RNF216: variants seen among roughly 807,000 people sequenced by gnomAD.
RNF216 encodes the protein ring finger protein 216.
A neutral mutation model predicts 110.8 loss-of-function variants in RNF216; 72 were observed. The observed-to-expected ratio is 0.65, with a 90% CI of 0.54 to 0.79. The LOEUF (loss-of-function observed/expected upper bound fraction) is 0.79. Ranked by LOEUF, RNF216 falls within the 30% of genes least tolerant of loss-of-function variation. The pLI is 0.00. For synonymous variants in RNF216, 495 were observed against 407.5 expected (o/e 1.21, Z -2.59); for missense variants, 1,342 against 1,141.2 (o/e 1.18, Z -2.54).
chr7:5,653,517 C>T (rs191206391), intron 13 of RNF216, among the ~76,000 whole-genome samples: 374 of 137,874 alleles, frequency 2.7e-3, no homozygotes, highest in Non-Finnish European at 4.3e-3. Context: ...AGGAGAAAGG[C>T]GTGAACCCGG....
intron 3 of RNF216, among the ~76,000 whole-genome samples, chr7:5,752,565 G>C (rs1219347782): frequency 6.6e-6 from 1 of 152,096 alleles, no homozygotes; most frequent in Non-Finnish European, 1.5e-5. Flanking sequence ...GAAAATATAA[G>C]GCCAATCCAA....
At chr7:5,679,445 C>A (rs1271867212) in intron 13 of RNF216, among the ~76,000 whole-genome samples, 2 of 152,242 alleles carry the variant, frequency 1.3e-5, no homozygotes, top group Admixed American at 6.5e-5. Flanking sequence ...CGCACTGGTG[C>A]ACACACACCG....
intron 1 of RNF216, among the ~76,000 whole-genome samples, chr7:5,777,979 G>T (rs184114129): frequency 6.6e-6 from 1 of 152,184 alleles, no homozygotes; most frequent in African/African-American, 2.4e-5. Flanking sequence ...CGTTTTCAAC[G>T]ATCTTTTTAG....
intron 13 of RNF216, among the ~76,000 whole-genome samples, chr7:5,661,105 A>C (rs1313826170): frequency 1.3e-5 from 2 of 150,882 alleles, no homozygotes; most frequent in Non-Finnish European, 3.0e-5. Context: ...ATGCCCGGCT[A>C]ATTTTTGTAT....
intron 15 of RNF216, among the ~76,000 whole-genome samples, chr7:5,628,094 G>C (rs1243371452): frequency 6.6e-6 from 1 of 152,114 alleles, no homozygotes; most frequent in Non-Finnish European, 1.5e-5. Flanking sequence ...GAGGAAGAGG[G>C]AGCCTCAGAG....
At chr7:5,714,992 T>G in intron 11 of RNF216, 61 bp downstream of exon 11, 4 of 1,481,754 alleles carry the variant, frequency 2.7e-6, no homozygotes, top group Non-Finnish European at 3.6e-6. Flanking sequence ...TCTATCAACA[T>G]GGTCTCCTTA....
chr7:5,780,902 C>T lies in RNF216; in HGVS notation c.-70+639G>A, dbSNP rs553843653. Among the ~76,000 whole-genome samples the T allele has an allele frequency of 7.7e-4, 117 of 152,318 alleles. 2 individuals are homozygous for T. In the Middle Eastern group the frequency reaches 0.017, roughly 22 times the overall value. ...GGCCCAGAGTCTTGGATCCCTGGTC[C>T]TGTTCCACCGGGAGCAGAACCACCT... is the stretch of plus-strand genomic sequence containing the variant. On this transcript the variant is annotated intron_variant, in intron 1 of 16. Transcript: ENST00000389902.
chr7:5,665,916 A>G (rs1395366191), intron 13 of RNF216, among the ~76,000 whole-genome samples: 1 of 152,164 alleles, frequency 6.6e-6, no homozygotes, highest in African/African-American at 2.4e-5. Flanking sequence ...CTGTAATCCC[A>G]GCACTTTGGG....
chr7:5,751,489 A>G (rs888051611), intron 3 of RNF216, among the ~76,000 whole-genome samples: 1 of 152,080 alleles, frequency 6.6e-6, no homozygotes, highest in Non-Finnish European at 1.5e-5. Flanking sequence ...CTTCCTAGAA[A>G]TTGAAAGAAA....
chr7:5,688,029 C>T (rs542445213), intron 13 of RNF216, among the ~76,000 whole-genome samples: 54 of 152,254 alleles, frequency 3.5e-4, no homozygotes, highest in African/African-American at 1.2e-3. Context: ...TTTCACTTTG[C>T]TTGATGGAAG....
chr7:5,707,583 T>C (rs1034578908), intron 13 of RNF216, among the ~76,000 whole-genome samples: 4 of 152,134 alleles, frequency 2.6e-5, no homozygotes, highest in East Asian at 1.9e-4. Context: ...TGCACGGATA[T>C]AGATGCTTTT....
chr7:5,718,316 C>T (rs1793192983), intron 9 of RNF216, among the ~76,000 whole-genome samples: 1 of 151,996 alleles, frequency 6.6e-6, no homozygotes, highest in South Asian at 2.1e-4. Flanking sequence ...AGGAGTCAGA[C>T]GTTGCAGTGA....
intron 13 of RNF216, among the ~76,000 whole-genome samples, chr7:5,667,512 C>T (rs1331390325): frequency 1.3e-5 from 2 of 152,210 alleles, no homozygotes; most frequent in East Asian, 3.9e-4. Context: ...CAGGGGAACC[C>T]CCCAGCCTTC....
intron 3 of RNF216, among the ~76,000 whole-genome samples, chr7:5,742,670 A>T (rs1794828399): frequency 7.6e-6 from 1 of 131,782 alleles, no homozygotes; most frequent in Non-Finnish European, 1.5e-5. Flanking sequence ...ATCTCAGCTC[A>T]CTCCAACTTC....
rs1786337890 is a variant in RNF216, at chr7:5,621,196, TAG to T, written c.*1662_*1663del. 1.4e-5 allele frequency: 2 copies of T among 145,602 alleles called. No individual in the cohort carries two copies. Among genetic ancestry groups the T allele is most frequent in the Admixed American group, 6.8e-5 (1 of 14,670 alleles). 9.0% of individuals were successfully genotyped at this position (145,602 alleles called of 1,614,324 possible). A position where few individuals can be genotyped will look rare whatever the true frequency, so the allele number is the denominator to read the frequency against. On this transcript the variant is annotated 3_prime_UTR_variant, in exon 17 of 17. Transcript: ENST00000389902. ...GTTTTTTTTTTTTTTTTTTTAAAGA[TAG>T]AGTTTTGCTTTTGTTGCTCAGGCTG...
chr7:5,652,854 A>G (rs1196544058), intron 13 of RNF216, among the ~76,000 whole-genome samples: 1 of 152,112 alleles, frequency 6.6e-6, no homozygotes, highest in Non-Finnish European at 1.5e-5. Flanking sequence ...AAGGACGCAC[A>G]AGGAAAAATT....
Position 5,707,577 on chromosome 7 carries a change from C to T in RNF216, c.2061+4184G>A, listed in dbSNP as rs60492601. ...AGATCATGTTATCTGTGAACTTGCA[C>T]GGATATAGATGCTTTTGCTTTTTCC... On this transcript the variant is annotated intron_variant, in intron 13 of 16. Transcript: ENST00000389902. Among the ~76,000 whole-genome samples the T allele has an allele frequency of 4.4e-3, 673 of 152,124 alleles. 1 individual carries two copies. The highest frequency in any genetic ancestry group is 0.015 in the African/African-American group (607 of 41,494).
At chr7:5,702,494 C>G (rs898440196) in intron 13 of RNF216, among the ~76,000 whole-genome samples, 2 of 152,174 alleles carry the variant, frequency 1.3e-5, no homozygotes, top group African/African-American at 4.8e-5. Context: ...ACTGAAACAG[C>G]AAGCATGGTA....
chr7:5,626,706 A>T (rs981837910), intron 15 of RNF216, among the ~76,000 whole-genome samples: 3 of 152,034 alleles, frequency 2.0e-5, no homozygotes, highest in Non-Finnish European at 2.9e-5. Flanking sequence ...AAAAGAAAGA[A>T]AGTTGTGCAG....
Sources: gnomAD v4.1 joint callset for allele counts (sites outside exome capture counted in the v4.1 genomes callset) on GRCh38, gnomAD v4.1.1 for gene constraint, MANE v1.5 for transcripts, NCBI Gene and HGNC (gene_info 2026-07-23, HGNC 2026-07-21) for gene names.